Variants in DAD1 observed in about 807,000 individuals in gnomAD.
DAD1 encodes the protein dolichyl-diphosphooligosaccharide--protein glycosyltransferase subunit DAD1.
DAD1 carries 4 observed loss-of-function variants against 9.0 expected under a neutral mutation model. That is an observed-to-expected ratio of 0.44 (90% CI 0.22 to 1.01). The LOEUF is 1.01. DAD1 is among the 50% of genes least tolerant of loss of function. DAD1 has a pLI of 0.24. For synonymous variants in DAD1, 60 were observed against 62.5 expected (o/e 0.96, Z 0.19); for missense variants, 119 against 137.3 (o/e 0.87, Z 0.67).
At chr14:22,582,464 C>T (rs1344302355) in intron 1 of DAD1, among the ~76,000 whole-genome samples, 1 of 151,654 alleles carries the variant, frequency 6.6e-6, no homozygotes, top group Non-Finnish European at 1.5e-5. Context: ...GCGGAGCTTG[C>T]AGTGAGCCGA....
At chr14:22,588,900 A>C in intron 1 of DAD1, 47 bp downstream of exon 1, 1 of 1,590,940 alleles carries the variant, frequency 6.3e-7, no homozygotes, top group Non-Finnish European at 8.6e-7. Flanking sequence ...CAAAAGCAGC[A>C]CACCAAAGTA....
At chr14:22,581,525 T>C (rs1206202872) in intron 1 of DAD1, among the ~76,000 whole-genome samples, 1 of 150,630 alleles carries the variant, frequency 6.6e-6, no homozygotes, top group Non-Finnish European at 1.5e-5. Context: ...GTGGATAACC[T>C]GAGGTCGGGA....
intron 2 of DAD1, among the ~76,000 whole-genome samples, chr14:22,573,187 T>A (rs1429281851): frequency 6.6e-6 from 1 of 152,132 alleles, no homozygotes; most frequent in Non-Finnish European, 1.5e-5. Flanking sequence ...TTGGGTTTTT[T>A]TTTTTAATTG....
At chr14:22,567,588 C>T (rs2037009717) in intron 2 of DAD1, among the ~76,000 whole-genome samples, 1 of 152,236 alleles carries the variant, frequency 6.6e-6, no homozygotes, top group South Asian at 2.1e-4. Flanking sequence ...TGCTGTCCAA[C>T]ACCACAGCCA....
At chr14:22,572,951 A>C (rs1239303637) in intron 2 of DAD1, among the ~76,000 whole-genome samples, 1 of 152,214 alleles carries the variant, frequency 6.6e-6, no homozygotes, top group African/African-American at 2.4e-5. Context: ...ATTCAAGGTT[A>C]TCCACTGGTA....
chr14:22,583,481 A>C (rs2037132076), intron 1 of DAD1, among the ~76,000 whole-genome samples: 1 of 152,146 alleles, frequency 6.6e-6, no homozygotes, highest in African/African-American at 2.4e-5. Flanking sequence ...GTGAGGACAG[A>C]CCAATACCAA....
In DAD1 at chr14:22,589,074, G is replaced by T. The variant is rs2037174033; in HGVS notation, c.84C>A (p.Asp28Glu). 6.2e-7 allele frequency: 1 copy of T among 1,614,216 alleles called. No homozygotes were observed. ...SSTPQRLKLL[D>E]AYLLYILLTG... ...TCAGCAGTATATACAGCAGGTACGC[G>T]TCCAGCAACTTCAGACGCTGCGGAG... The change falls in exon 1 of 3, where the codon GAC (aspartate) becomes GAA (glutamate). Residue 28 changes from aspartate (D) to glutamate (E), a missense_variant. Coordinates refer to ENST00000250498, the MANE Select transcript of DAD1 (RefSeq NM_001344.4).
At chr14:22,568,184 T>C (rs1566369334) in intron 2 of DAD1, among the ~76,000 whole-genome samples, 1 of 152,158 alleles carries the variant, frequency 6.6e-6, no homozygotes, top group Non-Finnish European at 1.5e-5. Flanking sequence ...CAAGGTGTAA[T>C]TACCTCAAGT....
At chr14:22,569,714 A>G (rs1277123251) in intron 2 of DAD1, among the ~76,000 whole-genome samples, 2 of 152,246 alleles carry the variant, frequency 1.3e-5, no homozygotes, top group Non-Finnish European at 2.9e-5. Flanking sequence ...CTATTTCGAT[A>G]TTCTTTTTTC....
intron 2 of DAD1, among the ~76,000 whole-genome samples, chr14:22,569,839 G>T (rs1309681964): frequency 6.6e-6 from 1 of 152,102 alleles, no homozygotes; most frequent in East Asian, 1.9e-4. Flanking sequence ...AGAATGAAAG[G>T]TAAAGAACTA....
chr14:22,571,897 T>C (rs1457314475), intron 2 of DAD1, among the ~76,000 whole-genome samples: 1 of 152,180 alleles, frequency 6.6e-6, no homozygotes, highest in Non-Finnish European at 1.5e-5. Flanking sequence ...CCCAAAATGC[T>C]GGGATTACAG....
At chr14:22,574,356 G>T (rs61972400) in intron 2 of DAD1, among the ~76,000 whole-genome samples, 1 of 151,908 alleles carries the variant, frequency 6.6e-6, no homozygotes, top group Admixed American at 6.6e-5. Flanking sequence ...AGGGGAGGGC[G>T]TACCATATGT....
At chr14:22,572,437 A>G (rs1422653416) in intron 2 of DAD1, among the ~76,000 whole-genome samples, 3 of 152,216 alleles carry the variant, frequency 2.0e-5, no homozygotes, top group Non-Finnish European at 4.4e-5. Context: ...AAGGATCTCT[A>G]TGAAAAACAA....
intron 2 of DAD1, among the ~76,000 whole-genome samples, chr14:22,569,110 C>CT (rs1337033860): frequency 2.6e-5 from 4 of 152,316 alleles, no homozygotes; most frequent in African/African-American, 7.2e-5. Flanking sequence ...ATCCAAGTAA[C>CT]TTAATAACAT....
At chr14:22,579,030 T>C (rs568269498) in intron 1 of DAD1, among the ~76,000 whole-genome samples, 1 of 152,300 alleles carries the variant, frequency 6.6e-6, no homozygotes, top group African/African-American at 2.4e-5. Context: ...ATTTAATGGG[T>C]AGCAGAGTTT....
At chr14:22,566,496 G>A (rs539839433) in intron 2 of DAD1, among the ~76,000 whole-genome samples, 1 of 152,244 alleles carries the variant, frequency 6.6e-6, no homozygotes, top group South Asian at 2.1e-4. Context: ...ACCACACCCA[G>A]CTAATTTTTG....
In DAD1 at chr14:22,573,975, T is replaced by C. The variant is rs182996653; in HGVS notation, c.*44+1084A>G. 7.9e-4 allele frequency among the ~76,000 whole-genome samples: 121 copies of C among 152,300 alleles called. 1 individual carries two copies. The highest frequency in any genetic ancestry group is 2.6e-3 in the African/African-American group (109 of 41,564). On this transcript the variant is annotated intron_variant, in intron 2 of 2. Transcript: ENST00000250498. ...CTTATACTAGATTTCTGCTGGTTAG[T>C]ATAAAAATGACAGCTTTCCAAGTGG...
At chr14:22,573,665 G>A (rs1374703970) in intron 2 of DAD1, among the ~76,000 whole-genome samples, 54 of 127,302 alleles carry the variant, frequency 4.2e-4, no homozygotes, top group African/African-American at 1.7e-3. Context: ...AGCCGAGATC[G>A]CACCACTGCA....
intron 1 of DAD1, 131 bp from the exon 2 acceptor site, chr14:22,575,364 G>A: frequency 1.0e-6 from 1 of 984,854 alleles, no homozygotes; most frequent in Non-Finnish European, 1.4e-6. Flanking sequence ...ACATCAAAGG[G>A]CATACACAGA....
Sources: allele counts gnomAD v4.1 joint callset (sites outside exome capture counted in the v4.1 genomes callset), GRCh38; gene constraint gnomAD v4.1.1; transcripts MANE v1.5; gene names NCBI Gene and HGNC (gene_info 2026-07-23, HGNC 2026-07-21).